DSCAM: variants seen among roughly 807,000 people sequenced by gnomAD.
The protein encoded by DSCAM is cell adhesion molecule DSCAM.
Under a neutral mutation model 217.7 loss-of-function variants are expected in DSCAM, and 47 were observed. That is an observed-to-expected ratio of 0.22 (90% CI 0.17 to 0.28). The LOEUF (loss-of-function observed/expected upper bound fraction) is 0.28, where lower values mean the gene tolerates loss of function less well. Ranked by LOEUF, DSCAM falls within the 10% of genes least tolerant of loss-of-function variation. DSCAM has a pLI of 1.00. For missense variants in DSCAM, 2,080 were observed against 2,618.3 expected (o/e 0.79, Z 4.49); for synonymous variants, 1,056 against 1,015.3 (o/e 1.04, Z -0.76).
At chr21:40,811,667 C>A (rs140325017) in intron 1 of DSCAM, among the ~76,000 whole-genome samples, 27 of 152,290 alleles carry the variant, frequency 1.8e-4, no homozygotes, top group Non-Finnish European at 2.8e-4. Flanking sequence ...AAGGAGAAAT[C>A]CTCATGGGTA....
At chr21:40,522,216 C>T (rs1359396800) in intron 3 of DSCAM, among the ~76,000 whole-genome samples, 1 of 152,136 alleles carries the variant, frequency 6.6e-6, no homozygotes, top group East Asian at 1.9e-4. Flanking sequence ...AGTTAGTAGA[C>T]AGAAACCCAG....
At chr21:40,524,430 G>A (rs942073649) in intron 3 of DSCAM, among the ~76,000 whole-genome samples, 1 of 151,720 alleles carries the variant, frequency 6.6e-6, no homozygotes, top group African/African-American at 2.4e-5. Context: ...TTCCTTAAAA[G>A]GTTGAATAGA....
At chr21:40,762,197 AATAG>A (rs781638150) in intron 1 of DSCAM, among the ~76,000 whole-genome samples, 22 of 152,160 alleles carry the variant, frequency 1.4e-4, no homozygotes, top group East Asian at 3.9e-4. Context: ...AGATTAACAA[AATAG>A]ATAGACCACT....
chr21:40,505,879 C>G (rs1032948260), intron 3 of DSCAM, among the ~76,000 whole-genome samples: 2 of 152,162 alleles, frequency 1.3e-5, no homozygotes, highest in Non-Finnish European at 2.9e-5. Flanking sequence ...TTTAACACTT[C>G]GCCAACAACT....
intron 3 of DSCAM, among the ~76,000 whole-genome samples, chr21:40,508,734 AATATATAT>A (rs760072956): frequency 4.6e-4 from 21 of 45,844 alleles, no homozygotes; most frequent in East Asian, 1.4e-3. Flanking sequence ...ACACCCGGCA[AATATATAT>A]ATATATATAT....
At chr21:40,143,414 G>A (rs771072011) in intron 17 of DSCAM, among the ~76,000 whole-genome samples, 2 of 152,204 alleles carry the variant, frequency 1.3e-5, no homozygotes, top group African/African-American at 2.4e-5. Flanking sequence ...CAATTCCAGT[G>A]TTCAGGCTGC....
chr21:40,202,188 G>C (rs1049280868), intron 11 of DSCAM, among the ~76,000 whole-genome samples: 1 of 152,120 alleles, frequency 6.6e-6, no homozygotes, highest in Admixed American at 6.5e-5. Flanking sequence ...GGAGCTGGGG[G>C]GTGGATTCCA....
At chr21:40,165,006 A>G (rs2090578714) in intron 16 of DSCAM, among the ~76,000 whole-genome samples, 1 of 152,086 alleles carries the variant, frequency 6.6e-6, no homozygotes, top group African/African-American at 2.4e-5. Context: ...CCAAAACCCC[A>G]GAGCTATTTC....
chr21:40,671,530 C>A (rs1032610492), intron 3 of DSCAM, among the ~76,000 whole-genome samples: 1 of 151,486 alleles, frequency 6.6e-6, no homozygotes, highest in Non-Finnish European at 1.5e-5. Flanking sequence ...ATTAAAAATA[C>A]AAAAATTAGC....
intron 1 of DSCAM, among the ~76,000 whole-genome samples, chr21:40,842,388 T>C (rs1470970618): frequency 6.6e-6 from 1 of 152,216 alleles, no homozygotes; most frequent in African/African-American, 2.4e-5. Flanking sequence ...TAATGCAAAA[T>C]ACATTCTTTT....
chr21:40,463,140 G>T (rs1481282422), intron 3 of DSCAM, among the ~76,000 whole-genome samples: 2 of 151,952 alleles, frequency 1.3e-5, no homozygotes, highest in Non-Finnish European at 2.9e-5. Flanking sequence ...AACGAGCATT[G>T]TAATATACTT....
intron 1 of DSCAM, among the ~76,000 whole-genome samples, chr21:40,723,167 T>C (rs544057623): frequency 6.6e-5 from 10 of 152,078 alleles, no homozygotes; most frequent in African/African-American, 2.4e-4. Context: ...GTTGCATTCT[T>C]GAATGTTGGA....
rs147777673 is a variant in DSCAM, at chr21:40,142,208, G to C, written c.3406+350C>G. ...GAGTTCTATTTGGGAAGTAGGAAGA[G>C]GCCAACATTTTAGAATACATATCAC... On this transcript the variant is annotated intron_variant, in intron 18 of 32. Coordinates refer to ENST00000400454, the MANE Select transcript of DSCAM (RefSeq NM_001389.5). Among the ~76,000 whole-genome samples the C allele has an allele frequency of 3.1e-3, 468 of 152,282 alleles. 5 individuals carry two copies. The highest frequency in any genetic ancestry group is 0.011 in the African/African-American group (447 of 41,560).
chr21:40,844,323 TCC>T (rs761261814), intron 1 of DSCAM, among the ~76,000 whole-genome samples: 13 of 152,066 alleles, frequency 8.5e-5, no homozygotes, highest in Non-Finnish European at 1.8e-4. Context: ...TGATTTCCCC[TCC>T]CCCCTTCAAA....
In DSCAM at chr21:40,306,951, C is replaced by T. The variant is rs371705796; in HGVS notation, c.2062+5130G>A. The stretch of plus-strand genomic sequence containing the variant: ...AGCTTTGGTATCAGGATGACGCTGG[C>T]CTCATAAAATGAGTTAGGGAGGATT... On this transcript the variant is annotated intron_variant, in intron 9 of 32. Transcript: ENST00000400454. 4.2e-4 allele frequency among the ~76,000 whole-genome samples: 64 copies of T among 152,072 alleles called. No individual in the cohort carries two copies. In the South Asian group the frequency reaches 0.011, roughly 25 times the overall value.
At chr21:40,561,806 C>T (rs1023408268) in intron 3 of DSCAM, among the ~76,000 whole-genome samples, 5 of 152,120 alleles carry the variant, frequency 3.3e-5, no homozygotes, top group African/African-American at 1.2e-4. Context: ...ACTGGCAGTT[C>T]CTGACATCAC....
chr21:40,344,564 C>T (rs992687798), intron 6 of DSCAM, among the ~76,000 whole-genome samples: 2 of 152,176 alleles, frequency 1.3e-5, no homozygotes, highest in Middle Eastern at 3.4e-3. Context: ...CTTTGTTTTT[C>T]GTTTTCTTTT....
chr21:40,177,640 C>T (rs1472788220), intron 15 of DSCAM, among the ~76,000 whole-genome samples: 1 of 152,206 alleles, frequency 6.6e-6, no homozygotes, highest in Non-Finnish European at 1.5e-5. Context: ...TAGCAAAAGA[C>T]ATACCACCAG....
At chr21:40,196,745 TAAC>T (rs760050672) in intron 11 of DSCAM, among the ~76,000 whole-genome samples, 5 of 152,112 alleles carry the variant, frequency 3.3e-5, no homozygotes, top group Admixed American at 1.3e-4. Context: ...AGTGCCATAA[TAAC>T]AACAATAGCT....
Sources: allele counts gnomAD v4.1 joint callset (sites outside exome capture counted in the v4.1 genomes callset), GRCh38; gene constraint gnomAD v4.1.1; transcripts MANE v1.5; gene names NCBI Gene and HGNC (gene_info 2026-07-23, HGNC 2026-07-21).